Variants in STRA6 observed in about 807,000 individuals in gnomAD.
STRA6 encodes the protein receptor for retinol uptake STRA6.
A neutral mutation model predicts 83.6 loss-of-function variants in STRA6; 48 were observed. The observed-to-expected ratio is 0.57, with a 90% CI of 0.46 to 0.73. The LOEUF is 0.73. Among genes scored for constraint, STRA6 ranks in the 30% least tolerant of loss-of-function variants. The pLI is 0.00. For synonymous variants in STRA6, 353 were observed against 362.3 expected, an observed-to-expected ratio of 0.97 and a Z score of 0.29; for missense variants, 760 against 838.8, an observed-to-expected ratio of 0.91 and a Z score of 1.16.
intron 2 of STRA6, among the ~76,000 whole-genome samples, chr15:74,201,221 C>G (rs1436203154): frequency 3.3e-5 from 5 of 152,228 alleles, no homozygotes; most frequent in African/African-American, 1.2e-4. Flanking sequence ...GCAGCCCCAG[C>G]CCCTGGGGAG....
upstream of STRA6, among the ~76,000 whole-genome samples, chr15:74,205,351 T>C (rs2074236220): frequency 6.6e-6 from 1 of 152,180 alleles, no homozygotes; most frequent in Admixed American, 6.5e-5. Flanking sequence ...CAGCATCAGC[T>C]TCTGGGGAGG....
Position 74,181,319 on chromosome 15 carries a change from G to A in STRA6, c.1660C>T (p.Pro554Ser), listed in dbSNP as rs765784282. The change falls in exon 17 of 19, where the codon CCG (proline) becomes TCG (serine). Residue 554 changes from proline (P) to serine (S), a missense_variant. Transcript: ENST00000395105. ...LGQMDLSLLP[P>S]RAATLDPGYY... ...CCGGGGTCGAGAGTGGCGGCTCTCG[G>A]TGGCAGCAGGCTGAGGTCCATCTGG... is the stretch of plus-strand genomic sequence containing the variant. 2 of 1,612,370 alleles carry A rather than the reference G, an allele frequency of 1.2e-6. No individual in the cohort carries two copies. Among genetic ancestry groups the A allele is most frequent in the Non-Finnish European group, 1.7e-6 (2 of 1,179,668 alleles).
In STRA6 at chr15:74,202,255, G is replaced by C. The variant is rs1488306223; in HGVS notation, c.13C>G (p.Pro5Ala). The C allele has an allele frequency of 6.5e-7, 1 of 1,542,646 alleles. No homozygotes were observed. The highest frequency in any genetic ancestry group is 2.1e-5 in the Admixed American group (1 of 47,086). ...CCGGGGGAGGTCTGGTTCCCTGCTG[G>C]CTGGGACGACATTCTCTGGCCCTTC... MSSQ[P>A]AGNQTSPGAT... The change falls in exon 2 of 19, where the codon CCA (proline) becomes GCA (alanine). Residue 5 changes from proline to alanine, a missense_variant. By Grantham distance (27) the Pro-to-Ala change is conservative. Transcript: ENST00000395105.
chr15:74,199,587 G>C (rs182448483), intron 2 of STRA6, among the ~76,000 whole-genome samples: 9 of 152,296 alleles, frequency 5.9e-5, no homozygotes. Flanking sequence ...TTTTCCTATG[G>C]ACCTTACCCC....
chr15:74,194,972 G>T, intron 7 of STRA6: 1 of 1,431,780 alleles, frequency 7.0e-7, no homozygotes, highest in Non-Finnish European at 9.1e-7. Flanking sequence ...TCTCCAGCCT[G>T]ACCAAAGGGA....
intron 16 of STRA6, 98 bp downstream of exon 16, chr15:74,182,063 G>T: frequency 9.4e-7 from 1 of 1,068,582 alleles, no homozygotes; most frequent in South Asian, 1.3e-5. Context: ...TTGATAGAGA[G>T]AAGGGATAGA....
At chr15:74,185,206 C>G (rs1595830482) in intron 12 of STRA6, 151 bp from the exon 13 acceptor site, 1 of 757,364 alleles carries the variant, frequency 1.3e-6, no homozygotes, top group East Asian at 2.8e-5. Flanking sequence ...ACCCCCAGGT[C>G]TCAGATGCAG....
chr15:74,183,142 G>A (rs753820233), intron 14 of STRA6: 3 of 162,218 alleles, frequency 1.8e-5, no homozygotes, highest in Admixed American at 1.7e-4. Flanking sequence ...GCTGGTAGGG[G>A]TCCTGGAAGG....
intron 1 of STRA6, 159 bp from the exon 2 acceptor site, chr15:74,202,441 G>A (rs1031922502): frequency 2.6e-6 from 4 of 1,536,394 alleles, no homozygotes; most frequent in African/African-American, 1.4e-5. Context: ...GGAAAAGCCC[G>A]TCTGGGACTG....
chr15:74,205,354 TG>T (rs2074236414), upstream of STRA6, among the ~76,000 whole-genome samples: 2 of 152,246 alleles, frequency 1.3e-5, no homozygotes, highest in East Asian at 3.9e-4. Flanking sequence ...CATCAGCTTC[TG>T]GGGAGGGCCT....
chr15:74,198,237 G>T (rs2073911738), intron 2 of STRA6, among the ~76,000 whole-genome samples: 1 of 152,028 alleles, frequency 6.6e-6, no homozygotes, highest in African/African-American at 2.4e-5. Flanking sequence ...CTCATGAGTA[G>T]CTGGGACCAC....
At position 74,189,235 on chromosome 15, in the gene STRA6, T is replaced by C. The variant is rs763004553; in HGVS notation, c.970A>G (p.Lys324Glu). The C allele has an allele frequency of 6.2e-7, 1 of 1,609,736 alleles. No homozygotes were observed. Among genetic ancestry groups the C allele is most frequent in the Non-Finnish European group, 8.5e-7 (1 of 1,178,208 alleles). The change falls in exon 12 of 19, where the codon AAG (lysine) becomes GAG (glutamate). Residue 324 changes from lysine (K) to glutamate (E), a missense_variant. By Grantham distance (56) the Lys-to-Glu change is moderately conservative. Transcript: ENST00000395105. ...LLVGVVPTIQ[K>E]VRAGVTTDVS... is the part of the protein sequence containing the mutation. ...TCCGTGGTGACCCCTGCCCTCACCT[T>C]CTGGATAGTGGGTACCACGCCCACC... is the stretch of plus-strand genomic sequence containing the variant.
At chr15:74,209,143 T>C (rs1385382660), upstream of STRA6, 18 of 1,298,188 alleles carry the variant, frequency 1.4e-5, no homozygotes, top group Non-Finnish European at 1.8e-5. Flanking sequence ...CCCACCCCCA[T>C]CTCCAGCTCA....
chr15:74,191,161 C>T lies in STRA6; in HGVS notation c.865+6G>A, dbSNP rs2073514436. The T allele has an allele frequency of 2.5e-6, 4 of 1,613,828 alleles. No individual in the cohort carries two copies. The South Asian group carries it at 3.3e-5, about 13-fold the overall frequency. ...TCACGCTCGGCCTCAGCTCCCAACC[C>T]CATACCTGGCTGTGGAGTGTAGATG... On this transcript the variant is annotated splice_donor_region_variant and intron_variant, in intron 10 of 18. Transcript: ENST00000395105.
intron 2 of STRA6, among the ~76,000 whole-genome samples, chr15:74,199,458 T>C (rs351217): frequency 0.98 from 148,673 of 152,242 alleles, 72,681 homozygotes; most frequent in East Asian, 1. Flanking sequence ...CCTCTCACTC[T>C]GGTGCGTAGG....
At chr15:74,208,324 A>C (rs1331208272) in intron 1 of STRA6, among the ~76,000 whole-genome samples, 12 of 152,182 alleles carry the variant, frequency 7.9e-5, no homozygotes, top group African/African-American at 2.4e-4. Flanking sequence ...ACACAAGGCC[A>C]TGAAGATTCC....
At chr15:74,195,165 T>C in intron 7 of STRA6, 137 bp downstream of exon 7, 1 of 1,525,808 alleles carries the variant, frequency 6.6e-7, no homozygotes, top group Non-Finnish European at 8.8e-7. Context: ...GGCACATGTT[T>C]GAAGGCATGG....
At chr15:74,182,107 C>G in intron 16 of STRA6, 54 bp downstream of exon 16, 1 of 1,462,144 alleles carries the variant, frequency 6.8e-7, no homozygotes, top group Non-Finnish European at 9.6e-7. Flanking sequence ...AAGAGAGAGA[C>G]ACCGAAGAAG....
At chr15:74,202,887 TC>T (rs1209412803), upstream of STRA6, 13 of 1,001,040 alleles carry the variant, frequency 1.3e-5, no homozygotes, top group Non-Finnish European at 1.5e-5. Flanking sequence ...TACACCATAA[TC>T]CTTGACAAAG....
Sources: gnomAD v4.1 joint callset for allele counts (sites outside exome capture counted in the v4.1 genomes callset) on GRCh38, gnomAD v4.1.1 for gene constraint, MANE v1.5 for transcripts, NCBI Gene and HGNC (gene_info 2026-07-23, HGNC 2026-07-21) for gene names.